Variants in CNIH4 observed in about 807,000 individuals in gnomAD.
CNIH4 encodes the protein protein cornichon homolog 4.
A neutral mutation model predicts 21.5 loss-of-function variants in CNIH4; 9 were observed. That is an observed-to-expected ratio of 0.42 (90% CI 0.25 to 0.73). CNIH4 has a LOEUF of 0.73. Among genes scored for constraint, CNIH4 ranks in the 30% least tolerant of loss-of-function variants. CNIH4 has a pLI of 0.27. For missense variants in CNIH4, 159 were observed against 170.0 expected (o/e 0.94, Z 0.36); for synonymous variants, 67 against 59.1 (o/e 1.13, Z -0.61).
intron 4 of CNIH4, among the ~76,000 whole-genome samples, 200 bp downstream of exon 4, chr1:224,371,623 T>C (rs537748123): frequency 1.3e-5 from 2 of 152,332 alleles, no homozygotes; most frequent in African/African-American, 4.8e-5. Context: ...TGTTGCATCT[T>C]AGTTATGCCT....
intron 2 of CNIH4, among the ~76,000 whole-genome samples, chr1:224,363,236 G>A (rs1337887595): frequency 6.6e-6 from 1 of 151,962 alleles, no homozygotes; most frequent in East Asian, 1.9e-4. Flanking sequence ...TAGAGATGAA[G>A]TCTCGCCACG....
intron 2 of CNIH4, among the ~76,000 whole-genome samples, chr1:224,361,963 C>T (rs1449026425): frequency 6.6e-6 from 1 of 152,178 alleles, no homozygotes; most frequent in Non-Finnish European, 1.5e-5. Context: ...TATCTTTACA[C>T]TTGATTCATA....
intron 2 of CNIH4, among the ~76,000 whole-genome samples, chr1:224,361,160 G>C (rs1009152593): frequency 7.8e-4 from 112 of 143,046 alleles, no homozygotes; most frequent in African/African-American, 2.8e-3. Context: ...CTGTCACCCA[G>C]GCCGGAGTGC....
intron 1 of CNIH4, among the ~76,000 whole-genome samples, chr1:224,358,833 AT>A (rs1672190761): frequency 6.6e-6 from 1 of 152,262 alleles, no homozygotes. Flanking sequence ...TGACTTAGAC[AT>A]TACATTAAAA....
At chr1:224,359,325 G>C (rs1672205154) in intron 1 of CNIH4, among the ~76,000 whole-genome samples, 1 of 152,224 alleles carries the variant, frequency 6.6e-6, no homozygotes, top group African/African-American at 2.4e-5. Flanking sequence ...AAACCAACTG[G>C]ATAGGGTCGT....
Position 224,376,396 on chromosome 1 carries a change from A to G in CNIH4, c.*574A>G. The stretch of plus-strand genomic sequence containing the variant: ...TTCTTTGCACAATTTGTGAAACCTT[A>G]TAAGCCATTTTCCCCAGGTACAATG... On this transcript the variant is annotated 3_prime_UTR_variant, in exon 5 of 5. Transcript: ENST00000465271. 4 of 985,414 alleles carry G rather than the reference A, an allele frequency of 4.1e-6. No individual in the cohort carries two copies. The highest frequency in any genetic ancestry group is 4.8e-6 in the Non-Finnish European group (4 of 829,908). The allele number at this position is 985,414 out of a possible 1,614,324, so 61.0% of individuals were successfully genotyped here. A position where few individuals can be genotyped will look rare whatever the true frequency, so the allele number is the denominator to read the frequency against.
intron 1 of CNIH4, chr1:224,357,270 C>T: frequency 2.9e-6 from 1 of 346,770 alleles, no homozygotes; most frequent in South Asian, 6.3e-5. Flanking sequence ...CCGGGCGCGC[C>T]CCGTCTCGGC....
chr1:224,372,252 G>T (rs965522030), intron 4 of CNIH4, among the ~76,000 whole-genome samples: 3 of 152,162 alleles, frequency 2.0e-5, no homozygotes, highest in Non-Finnish European at 4.4e-5. Flanking sequence ...GCCTTATATA[G>T]TCCTGTTTTA....
Position 224,379,340 on chromosome 1 carries a change from T to A in CNIH4, c.*3518T>A. The A allele has an allele frequency of 1.9e-6, 1 of 528,650 alleles. No homozygotes were observed. The highest frequency in any genetic ancestry group is 2.2e-5 in the South Asian group (1 of 45,452). 32.7% of individuals were successfully genotyped at this position (528,650 alleles called of 1,614,324 possible). A position where few individuals can be genotyped will look rare whatever the true frequency, so the allele number is the denominator to read the frequency against. On this transcript the variant is annotated 3_prime_UTR_variant, in exon 5 of 5. Transcript: ENST00000465271. Reference sequence around the variant, plus strand: ...AATTAATCACTCTTAGATTGTATGTTCCTGGAGGGCAGAATATGCCCATTC... The same window carrying A: ...AATTAATCACTCTTAGATTGTATGTACCTGGAGGGCAGAATATGCCCATTC...
chr1:224,377,970 T>C lies in CNIH4; in HGVS notation c.*2148T>C, dbSNP rs1279691475. 1 of 152,184 alleles carries C rather than the reference T, an allele frequency of 6.6e-6. No homozygotes were observed. The highest frequency in any genetic ancestry group is 2.4e-5 in the African/African-American group (1 of 41,454). 9.4% of individuals were successfully genotyped at this position (152,184 alleles called of 1,614,324 possible). On this transcript the variant is annotated 3_prime_UTR_variant, in exon 5 of 5. Transcript: ENST00000465271. Reference sequence around the variant, plus strand: ...TCAAAGCTCCTTACTTCTGAAACATTAGCTGTGGTTAAAAACAAAAACTCT... The same window carrying C: ...TCAAAGCTCCTTACTTCTGAAACATCAGCTGTGGTTAAAAACAAAAACTCT...
intron 1 of CNIH4, among the ~76,000 whole-genome samples, chr1:224,358,411 G>A (rs546660663): frequency 6.6e-6 from 1 of 152,334 alleles, no homozygotes; most frequent in South Asian, 2.1e-4. Flanking sequence ...TGAAAGGGCA[G>A]CATCACTTGC....
chr1:224,366,831 C>T (rs1029007597), intron 3 of CNIH4, among the ~76,000 whole-genome samples: 3 of 151,626 alleles, frequency 2.0e-5, no homozygotes, highest in African/African-American at 7.3e-5. Context: ...GGCATGGTGG[C>T]GTGCACCTGT....
In CNIH4 at chr1:224,379,153, A is replaced by G. The variant is rs192279478; in HGVS notation, c.*3331A>G. 178 of 1,528,920 alleles carry G rather than the reference A, an allele frequency of 1.2e-4. 1 individual carries two copies. The African/African-American group carries it at 2.3e-3, about 20-fold the overall frequency. 94.7% of individuals were successfully genotyped at this position (1,528,920 alleles called of 1,614,324 possible). On this transcript the variant is annotated 3_prime_UTR_variant, in exon 5 of 5. Coordinates refer to ENST00000465271, the MANE Select transcript of CNIH4 (RefSeq NM_014184.4). ...ATCCAAGATGCAGCTCAGTTCATCA[A>G]AGCCTAGCAGGTCCCCTCAGCTGCC...
intron 3 of CNIH4, among the ~76,000 whole-genome samples, chr1:224,367,800 G>A (rs776759994): frequency 2.6e-5 from 4 of 152,174 alleles, no homozygotes; most frequent in South Asian, 2.1e-4. Flanking sequence ...CTTCTGCTGC[G>A]GGCTAGTCCC....
intron 3 of CNIH4, among the ~76,000 whole-genome samples, chr1:224,370,509 T>C (rs1043821823): frequency 6.6e-6 from 1 of 152,206 alleles, no homozygotes; most frequent in African/African-American, 2.4e-5. Flanking sequence ...TGACACAGTC[T>C]GGATGTTGAA....
chr1:224,376,932 G>A lies in CNIH4; in HGVS notation c.*1110G>A. 1 of 983,682 alleles carries A rather than the reference G, an allele frequency of 1.0e-6. No individual in the cohort carries two copies. Among genetic ancestry groups the A allele is most frequent in the Non-Finnish European group, 1.2e-6 (1 of 828,378 alleles). 60.9% of individuals were successfully genotyped at this position (983,682 alleles called of 1,614,324 possible). On this transcript the variant is annotated 3_prime_UTR_variant, in exon 5 of 5. Coordinates refer to ENST00000465271, the MANE Select transcript of CNIH4 (RefSeq NM_014184.4). ...TGCTATCTTAAGCACTGGCATTTGGGCAAAACATGACTGTGTTCTGTGGGA... is the reference window on the plus strand; with the variant it reads ...TGCTATCTTAAGCACTGGCATTTGGACAAAACATGACTGTGTTCTGTGGGA...
Position 224,360,535 on chromosome 1 carries a change from C to A in CNIH4, c.110C>A (p.Ala37Asp). 6.7e-7 allele frequency: 1 copy of A among 1,485,238 alleles called. No homozygotes were observed. The highest frequency in any genetic ancestry group is 9.0e-7 in the Non-Finnish European group (1 of 1,111,154). 92.0% of individuals were successfully genotyped at this position (1,485,238 alleles called of 1,614,324 possible). The change falls in exon 2 of 5, where the codon GCT becomes GAT. Residue 37 changes from alanine to aspartate, a missense_variant. Transcript: ENST00000465271. Reference sequence around the variant, plus strand: ...GATTTAGAATGTGATTACATTAATGCTAGATCATGTTGCTCAAAATTAAAC... The same window carrying A: ...GATTTAGAATGTGATTACATTAATGATAGATCATGTTGCTCAAAATTAAAC... ...LSDLECDYINARSCCSKLNKW... is the reference protein window; with the variant it reads ...LSDLECDYINDRSCCSKLNKW...
intron 2 of CNIH4, 32 bp from the exon 3 acceptor site, chr1:224,365,847 G>A (rs1203050375): frequency 1.7e-6 from 2 of 1,204,744 alleles, no homozygotes; most frequent in Admixed American, 3.4e-5. Context: ...GGACATAGCA[G>A]TGAGATGTAA....
At position 224,370,929 on chromosome 1, in the gene CNIH4, C is replaced by T. The variant is rs1472979716; in HGVS notation, c.252-354C>T. Reference sequence around the variant, plus strand: ...TTCTGCTCTGTCACCCAGGCTGGGGCTCAATGGCACGATCTTGGTTCACTG... The same window carrying T: ...TTCTGCTCTGTCACCCAGGCTGGGGTTCAATGGCACGATCTTGGTTCACTG... On this transcript the variant is annotated intron_variant, in intron 3 of 4. Transcript: ENST00000465271. Among the ~76,000 whole-genome samples, 3 of 146,162 alleles carry T rather than the reference C, an allele frequency of 2.1e-5. No individual in the cohort carries two copies. In the East Asian group the frequency reaches 6.0e-4, roughly 29 times the overall value.
Sources: gnomAD v4.1 joint callset for allele counts (sites outside exome capture counted in the v4.1 genomes callset) on GRCh38, gnomAD v4.1.1 for gene constraint, MANE v1.5 for transcripts, NCBI Gene and HGNC (gene_info 2026-07-23, HGNC 2026-07-21) for gene names.